Variants in CCNYL1 observed in about 807,000 individuals in gnomAD.
CCNYL1 encodes cyclin Y like 1, also known as cyclin-Y-like protein 1.
Under a neutral mutation model 44.2 loss-of-function variants are expected in CCNYL1, and 16 were observed. That is an observed-to-expected ratio of 0.36 (90% CI 0.25 to 0.55). The LOEUF is 0.55. CCNYL1 is among the 20% of genes least tolerant of loss of function. The pLI is 0.85. For synonymous variants in CCNYL1, 159 were observed against 163.2 expected (o/e 0.97, Z 0.20); for missense variants, 348 against 451.8 (o/e 0.77, Z 2.08).
intron 1 of CCNYL1, among the ~76,000 whole-genome samples, chr2:207,719,521 G>A (rs1236829988): frequency 6.6e-6 from 1 of 152,070 alleles, no homozygotes; most frequent in Admixed American, 6.6e-5. Context: ...GGCTGGTCTT[G>A]AATTCCTGAC....
At chr2:207,740,606 A>G (rs1298234081) in intron 5 of CCNYL1, 49 bp from the exon 6 acceptor site, 1 of 1,288,696 alleles carries the variant, frequency 7.8e-7, no homozygotes, top group African/African-American at 1.5e-5. Context: ...TTACTCAGAT[A>G]TTAACAATTC....
intron 9 of CCNYL1, among the ~76,000 whole-genome samples, chr2:207,752,478 G>A (rs539386547): frequency 9.0e-4 from 137 of 151,790 alleles, no homozygotes; most frequent in African/African-American, 3.1e-3. Flanking sequence ...AGGCTGCAGT[G>A]AGCCGAGATC....
chr2:207,727,278 CCTCT>C (rs772453986), intron 3 of CCNYL1, among the ~76,000 whole-genome samples: 11 of 151,880 alleles, frequency 7.2e-5, no homozygotes, highest in African/African-American at 1.9e-4. Flanking sequence ...TATTTTCTTC[CCTCT>C]ATTTCTCCCA....
At chr2:207,732,377 G>A (rs1219526371) in intron 3 of CCNYL1, among the ~76,000 whole-genome samples, 2 of 152,180 alleles carry the variant, frequency 1.3e-5, no homozygotes. Context: ...TTAAGTGACT[G>A]CAGTAAAAAC....
chr2:207,749,352 T>C (rs1174549585), intron 8 of CCNYL1, among the ~76,000 whole-genome samples: 1 of 152,248 alleles, frequency 6.6e-6, no homozygotes, highest in Non-Finnish European at 1.5e-5. Flanking sequence ...TTGGTGTCTA[T>C]CAGGTTTTTC....
At chr2:207,742,779 G>C (rs2091821447) in intron 7 of CCNYL1, among the ~76,000 whole-genome samples, 1 of 152,158 alleles carries the variant, frequency 6.6e-6, no homozygotes, top group Non-Finnish European at 1.5e-5. Flanking sequence ...GAGAACTATT[G>C]CCCTAAATTC....
chr2:207,720,692 G>GGT (rs1275829817), intron 1 of CCNYL1, among the ~76,000 whole-genome samples: 1 of 152,054 alleles, frequency 6.6e-6, no homozygotes, highest in Non-Finnish European at 1.5e-5. Flanking sequence ...TGGGATTACA[G>GGT]GTGTGAGTCA....
chr2:207,724,953 T>TTTA, intron 2 of CCNYL1, 79 bp downstream of exon 2: 1 of 1,139,870 alleles, frequency 8.8e-7, no homozygotes, highest in Non-Finnish European at 1.2e-6. Flanking sequence ...ATAGAAGGTA[T>TTTA]TTAGAAGAAC....
chr2:207,724,290 CTAAAT>C (rs2091663522), intron 1 of CCNYL1, among the ~76,000 whole-genome samples: 2 of 152,208 alleles, frequency 1.3e-5, no homozygotes, highest in South Asian at 4.1e-4. Flanking sequence ...CCACAGCTAA[CTAAAT>C]TAGTTTACTT....
At chr2:207,748,612 G>A (rs2091871694) in intron 8 of CCNYL1, among the ~76,000 whole-genome samples, 1 of 152,226 alleles carries the variant, frequency 6.6e-6, no homozygotes, top group African/African-American at 2.4e-5. Flanking sequence ...ATGTTGAGCA[G>A]CAGAGGAAGA....
chr2:207,748,002 ATTGT>A (rs2091866136), intron 8 of CCNYL1, among the ~76,000 whole-genome samples: 1 of 152,122 alleles, frequency 6.6e-6, no homozygotes, highest in South Asian at 2.1e-4. Context: ...CTTTGAAATA[ATTGT>A]TTGGCCACTA....
At chr2:207,714,651 C>T (rs1189494568) in intron 1 of CCNYL1, 1 of 178,284 alleles carries the variant, frequency 5.6e-6, no homozygotes, top group Non-Finnish European at 1.2e-5. Flanking sequence ...GGTAAGGTAC[C>T]AGGCATTAAG....
chr2:207,748,293 A>T (rs2091869335), intron 8 of CCNYL1, among the ~76,000 whole-genome samples: 1 of 152,126 alleles, frequency 6.6e-6, no homozygotes, highest in South Asian at 2.1e-4. Flanking sequence ...CACACTCGAG[A>T]GGCTCCCTGG....
At chr2:207,724,056 G>T (rs888935726) in intron 1 of CCNYL1, among the ~76,000 whole-genome samples, 1 of 152,074 alleles carries the variant, frequency 6.6e-6, no homozygotes, top group Non-Finnish European at 1.5e-5. Context: ...ACTACAGGCA[G>T]GTTTATCTTG....
rs28439881 is a variant in CCNYL1, at chr2:207,741,710, T to A, written c.520-513T>A. ...AAATACAAAAAATTAGCCGGACATG[T>A]TGGTGCACGCCTGTAATCCCAGCTA... is the stretch of plus-strand genomic sequence containing the variant. On this transcript the variant is annotated intron_variant, in intron 6 of 9. Transcript: ENST00000295414. Among the ~76,000 whole-genome samples the A allele has an allele frequency of 2.0e-5, 3 of 151,596 alleles. No individual in the cohort carries two copies. In the East Asian group the frequency reaches 5.9e-4, roughly 30 times the overall value.
chr2:207,741,513 G>A (rs1251327926), intron 6 of CCNYL1, among the ~76,000 whole-genome samples: 1 of 152,066 alleles, frequency 6.6e-6, no homozygotes, highest in Admixed American at 6.6e-5. Flanking sequence ...ATTATTTTAA[G>A]GGGTACATGG....
chr2:207,733,462 A>G (rs1022442071), intron 3 of CCNYL1, among the ~76,000 whole-genome samples: 7 of 152,206 alleles, frequency 4.6e-5, no homozygotes, highest in Non-Finnish European at 7.3e-5. Flanking sequence ...ACTGTGAAAC[A>G]CTTGTTTCTC....
At chr2:207,714,381 T>A in intron 1 of CCNYL1, 1 of 413,712 alleles carries the variant, frequency 2.4e-6, no homozygotes, top group Non-Finnish European at 4.7e-6. Context: ...GGCCTCGAAC[T>A]CCTGGCCTGG....
At chr2:207,721,639 A>G (rs529020848) in intron 1 of CCNYL1, among the ~76,000 whole-genome samples, 2 of 152,200 alleles carry the variant, frequency 1.3e-5, no homozygotes, top group Non-Finnish European at 2.9e-5. Context: ...GATAATACAA[A>G]ACTGGTGGGT....
Sources: gnomAD v4.1 joint callset for allele counts (sites outside exome capture counted in the v4.1 genomes callset) on GRCh38, gnomAD v4.1.1 for gene constraint, MANE v1.5 for transcripts, NCBI Gene and HGNC (gene_info 2026-07-23, HGNC 2026-07-21) for gene names.